RAB2A: variants seen among roughly 807,000 people sequenced by gnomAD.
The protein encoded by RAB2A is RAB2A, member RAS oncogene family, also known as ras-related protein Rab-2A.
In RAB2A, 7 loss-of-function variants were observed where a neutral mutation model predicts 32.5. The ratio of observed to expected loss-of-function variants is 0.22; its 90% CI spans 0.12 to 0.40. The LOEUF (loss-of-function observed/expected upper bound fraction) is 0.40. RAB2A is among the 10% of genes least tolerant of loss of function. RAB2A has a pLI of 1.00. For synonymous variants in RAB2A, 79 were observed against 85.2 expected, an observed-to-expected ratio of 0.93 and a Z score of 0.40; for missense variants, 108 against 260.7, an observed-to-expected ratio of 0.41 and a Z score of 4.03.
chr8:60,576,403 T>C (rs1243117018), intron 3 of RAB2A: 12 of 392,616 alleles, frequency 3.1e-5, no homozygotes, highest in Non-Finnish European at 5.6e-5. Flanking sequence ...TCAGTTGCCT[T>C]CCAGCATATC....
intron 3 of RAB2A, among the ~76,000 whole-genome samples, chr8:60,578,536 TATCAGTAGAAAAAA>T (rs1413766712): frequency 6.6e-6 from 1 of 151,166 alleles, no homozygotes; most frequent in African/African-American, 2.5e-5. Flanking sequence ...ATAGACAAGA[TATCAGTAGAAAAAA>T]ATGGACTTGT....
At chr8:60,588,583 TA>T (rs1265029084) in intron 5 of RAB2A, among the ~76,000 whole-genome samples, 5 of 152,130 alleles carry the variant, frequency 3.3e-5, no homozygotes, top group Non-Finnish European at 2.9e-5. Flanking sequence ...AGACCAAAAA[TA>T]CCATGTGATT....
At chr8:60,544,824 T>C (rs544532127) in intron 1 of RAB2A, among the ~76,000 whole-genome samples, 1 of 152,332 alleles carries the variant, frequency 6.6e-6, no homozygotes, top group Admixed American at 6.5e-5. Context: ...GCCTGTTGTT[T>C]ATTAATTTTC....
intron 1 of RAB2A, 87 bp from the exon 2 acceptor site, chr8:60,558,765 C>T (rs774099964): frequency 9.0e-7 from 1 of 1,111,340 alleles, no homozygotes; most frequent in African/African-American, 1.5e-5. Context: ...CACCAGAAAC[C>T]CTGGCTGCCT....
intron 6 of RAB2A, among the ~76,000 whole-genome samples, chr8:60,616,659 T>G (rs183858342): frequency 1.9e-4 from 29 of 152,380 alleles, no homozygotes; most frequent in South Asian, 6.2e-4. Context: ...CTAAGTGCCT[T>G]GTGAATCTGC....
chr8:60,584,126 C>G, intron 3 of RAB2A, 82 bp from the exon 4 acceptor site: 1 of 1,144,752 alleles, frequency 8.7e-7, no homozygotes, highest in South Asian at 1.3e-5. Flanking sequence ...TCCCTACCTG[C>G]TCTTATTCTG....
chr8:60,560,797 T>G (rs1040274187), intron 2 of RAB2A, among the ~76,000 whole-genome samples: 1 of 151,942 alleles, frequency 6.6e-6, no homozygotes, highest in Admixed American at 6.6e-5. Flanking sequence ...ATTTTATGTG[T>G]GGCCCAAGAC....
chr8:60,598,535 G>A (rs1010076281), intron 6 of RAB2A, among the ~76,000 whole-genome samples: 3 of 132,264 alleles, frequency 2.3e-5, no homozygotes, highest in Non-Finnish European at 4.6e-5. Flanking sequence ...ATACGAAATT[G>A]TGTATGTGTA....
intron 6 of RAB2A, among the ~76,000 whole-genome samples, chr8:60,606,531 T>C (rs191473798): frequency 6.6e-6 from 1 of 152,344 alleles, no homozygotes; most frequent in East Asian, 1.9e-4. Flanking sequence ...TTGAAGTTTA[T>C]TTCCAAAGAG....
chr8:60,621,029 GC>G lies in RAB2A; in HGVS notation c.*263del. The stretch of plus-strand genomic sequence containing the variant: ...TTATTTTTGTTAAATGTTGTCTTGT[GC>G]CCTTAACTACGAACTGAATTGTATT... On this transcript the variant is annotated 3_prime_UTR_variant, in exon 8 of 8. Coordinates refer to ENST00000262646, the MANE Select transcript of RAB2A (RefSeq NM_002865.3). 2.6e-6 allele frequency: 1 copy of G among 384,310 alleles called. No individual in the cohort carries two copies. Among genetic ancestry groups the G allele is most frequent in the Non-Finnish European group, 4.7e-6 (1 of 212,746 alleles). 23.8% of individuals were successfully genotyped at this position (384,310 alleles called of 1,614,324 possible). A position where few individuals can be genotyped will look rare whatever the true frequency, so the allele number is the denominator to read the frequency against.
intron 3 of RAB2A, among the ~76,000 whole-genome samples, chr8:60,574,530 T>A (rs1808241280): frequency 6.6e-6 from 1 of 152,238 alleles, no homozygotes; most frequent in Non-Finnish European, 1.5e-5. Flanking sequence ...TATGTGATAT[T>A]TTAGGCATAA....
At chr8:60,557,594 A>G (rs1010088352) in intron 1 of RAB2A, among the ~76,000 whole-genome samples, 1 of 152,144 alleles carries the variant, frequency 6.6e-6, no homozygotes, top group Non-Finnish European at 1.5e-5. Flanking sequence ...TTGTTTTTTG[A>G]GAGAGTCTCA....
intron 6 of RAB2A, among the ~76,000 whole-genome samples, chr8:60,598,794 A>C (rs1157828263): frequency 6.6e-6 from 1 of 152,020 alleles, no homozygotes; most frequent in African/African-American, 2.4e-5. Context: ...ACGTGAACAC[A>C]CACCAAAAAA....
In RAB2A at chr8:60,591,795, C is replaced by A. The variant is rs115034783; in HGVS notation, c.363-63C>A. 350 of 1,055,822 alleles carry A rather than the reference C, an allele frequency of 3.3e-4. No homozygotes were observed. The African/African-American group carries it at 4.7e-3, about 14-fold the overall frequency. 65.4% of individuals were successfully genotyped at this position (1,055,822 alleles called of 1,614,324 possible). On this transcript the variant is annotated intron_variant, in intron 5 of 7. Coordinates refer to ENST00000262646, the MANE Select transcript of RAB2A (RefSeq NM_002865.3). The stretch of plus-strand genomic sequence containing the variant: ...AACTTTGAATTCCATGGTACACTTT[C>A]CACAAATGCTTCTGTTTGTACCATG...
At chr8:60,601,914 G>T (rs1005732447) in intron 6 of RAB2A, among the ~76,000 whole-genome samples, 1 of 152,130 alleles carries the variant, frequency 6.6e-6, no homozygotes, top group Non-Finnish European at 1.5e-5. Context: ...TTGAGACAGG[G>T]TCTCACTCTG....
chr8:60,560,235 G>A (rs1286176507), intron 2 of RAB2A, among the ~76,000 whole-genome samples: 1 of 152,110 alleles, frequency 6.6e-6, no homozygotes, highest in Non-Finnish European at 1.5e-5. Context: ...CTACAGGCGT[G>A]CACTACCATG....
At chr8:60,548,830 C>T (rs1186377986) in intron 1 of RAB2A, among the ~76,000 whole-genome samples, 3 of 151,096 alleles carry the variant, frequency 2.0e-5, no homozygotes, top group African/African-American at 7.3e-5. Flanking sequence ...GACCCCCCCA[C>T]CTCCCTCCCG....
chr8:60,519,690 C>T (rs1239994836), intron 1 of RAB2A, among the ~76,000 whole-genome samples: 2 of 152,124 alleles, frequency 1.3e-5, no homozygotes, highest in Non-Finnish European at 2.9e-5. Flanking sequence ...TTCTTGAAGT[C>T]AGAAAAGATG....
intron 6 of RAB2A, among the ~76,000 whole-genome samples, chr8:60,599,709 C>G (rs1040639921): frequency 7.2e-5 from 11 of 151,934 alleles, no homozygotes; most frequent in Admixed American, 3.3e-4. Context: ...GGAACTCTAG[C>G]AGTTAGAAAT....
Sources: allele counts gnomAD v4.1 joint callset (sites outside exome capture counted in the v4.1 genomes callset), GRCh38; gene constraint gnomAD v4.1.1; transcripts MANE v1.5; gene names NCBI Gene and HGNC (gene_info 2026-07-23, HGNC 2026-07-21).